PDE4D: variants seen among roughly 807,000 people sequenced by gnomAD.
PDE4D encodes 3',5'-cyclic-AMP phosphodiesterase 4D.
A neutral mutation model predicts 87.4 loss-of-function variants in PDE4D; 24 were observed. The observed-to-expected ratio is 0.27, with a 90% CI of 0.20 to 0.39. The LOEUF is 0.39. Ranked by LOEUF, PDE4D falls within the 10% of genes least tolerant of loss-of-function variation. The probability of loss-of-function intolerance (pLI) is 1.00; values close to 1 mark genes in which losing one functional copy is unlikely to be tolerated. For missense variants in PDE4D, 714 were observed against 1,041.0 expected, an observed-to-expected ratio of 0.69 and a Z score of 4.32; for synonymous variants, 384 against 383.2, an observed-to-expected ratio of 1.00 and a Z score of -0.02.
At chr5:59,988,644 C>T (rs200725508) in exon 3 of PDE4D, 370 of 1,599,138 alleles carry the variant, frequency 2.3e-4, no homozygotes, top group East Asian at 3.3e-4. Context: ...TGAAAGTCTC[C>T]GGACAAGATA....
chr5:59,098,715 A>AAAG (rs1770212020), intron 5 of PDE4D, among the ~76,000 whole-genome samples: 1 of 151,574 alleles, frequency 6.6e-6, no homozygotes. Context: ...AAAAAAAAAA[A>AAAG]AAGAGGAAAG....
chr5:59,296,155 G>A (rs1456567960), intron 1 of PDE4D, among the ~76,000 whole-genome samples: 2 of 152,000 alleles, frequency 1.3e-5, no homozygotes, highest in African/African-American at 2.4e-5. Context: ...CCATTGTTTG[G>A]GACATACTGA....
intron 1 of PDE4D, among the ~76,000 whole-genome samples, chr5:59,413,317 G>A (rs914885461): frequency 6.6e-6 from 1 of 151,982 alleles, no homozygotes; most frequent in African/African-American, 2.4e-5. Context: ...AATTAGCCGG[G>A]CGTAGTGGTG....
intron 1 of PDE4D, among the ~76,000 whole-genome samples, chr5:60,341,828 G>A (rs1364201880): frequency 1.3e-5 from 2 of 152,034 alleles, no homozygotes; most frequent in Non-Finnish European, 2.9e-5. Context: ...TAGGATGCTG[G>A]AGTTAGCTTG....
Position 59,100,426 on chromosome 5 carries a change from AAGGTAT to A in PDE4D, c.809-61461_809-61456del, listed in dbSNP as rs532286099. On this transcript the variant is annotated intron_variant, in intron 5 of 14. Coordinates refer to ENST00000340635, the MANE Select transcript of PDE4D (RefSeq NM_001104631.2). ...TTTATGGAGATTCCAAATGGTCTCC[AAGGTAT>A]ATGTCAATTATTATCCATGAAAGGT... 2.0e-3 allele frequency among the ~76,000 whole-genome samples: 312 copies of A among 152,310 alleles called. 3 individuals carry two copies. The highest frequency in any genetic ancestry group is 7.3e-3 in the African/African-American group (302 of 41,570).
intron 5 of PDE4D, among the ~76,000 whole-genome samples, chr5:59,141,050 A>G (rs1029761392): frequency 1.3e-4 from 20 of 152,264 alleles, no homozygotes; most frequent in Non-Finnish European, 2.5e-4. Context: ...ATGTGGCAGA[A>G]GAAAAGTTCA....
intron 5 of PDE4D, among the ~76,000 whole-genome samples, chr5:59,157,647 AAAT>A (rs1780451557): frequency 6.6e-6 from 1 of 152,234 alleles, no homozygotes; most frequent in African/African-American, 2.4e-5. Context: ...TTGGGTATCA[AAAT>A]AAAACCAACC....
chr5:59,724,938 C>T (rs1439492252), intron 1 of PDE4D, among the ~76,000 whole-genome samples: 1 of 152,042 alleles, frequency 6.6e-6, no homozygotes, highest in African/African-American at 2.4e-5. Context: ...TTGAACCTGG[C>T]TCTGCTTTTC....
At chr5:60,013,778 A>T (rs367900170) in intron 2 of PDE4D, among the ~76,000 whole-genome samples, 2 of 152,170 alleles carry the variant, frequency 1.3e-5, no homozygotes, top group East Asian at 1.9e-4. Flanking sequence ...TAGAAAAATT[A>T]TGCAAGCAAA....
chr5:59,400,323 G>C (rs1424813551), intron 1 of PDE4D, among the ~76,000 whole-genome samples: 1 of 117,738 alleles, frequency 8.5e-6, no homozygotes, highest in Non-Finnish European at 1.7e-5. Flanking sequence ...GCAAAGACTT[G>C]GAACCAACCC....
intron 2 of PDE4D, among the ~76,000 whole-genome samples, chr5:60,050,852 A>C (rs2152878825): frequency 6.6e-6 from 1 of 152,350 alleles, no homozygotes; most frequent in Middle Eastern, 3.4e-3. Flanking sequence ...TTTACCAAGC[A>C]AATGGAAAGC....
At chr5:59,748,701 A>T (rs1294099849) in intron 1 of PDE4D, among the ~76,000 whole-genome samples, 4 of 152,032 alleles carry the variant, frequency 2.6e-5, no homozygotes, top group Non-Finnish European at 5.9e-5. Context: ...ACCTAATGTA[A>T]ATGACGAGTT....
chr5:59,216,557 C>T (rs1455636717), intron 1 of PDE4D, among the ~76,000 whole-genome samples: 1 of 152,116 alleles, frequency 6.6e-6, no homozygotes, highest in Non-Finnish European at 1.5e-5. Context: ...GTTTAAAACC[C>T]TTCAGTAACT....
intron 5 of PDE4D, among the ~76,000 whole-genome samples, chr5:59,158,140 C>T (rs1294651277): frequency 6.6e-6 from 1 of 152,138 alleles, no homozygotes; most frequent in Admixed American, 6.6e-5. Flanking sequence ...ATTTGCTAGT[C>T]CTAATGATCT....
Position 59,328,681 on chromosome 5 carries a change from C to A in PDE4D, c.456-112713G>T, listed in dbSNP as rs190675157. ...TGTGTTTTTACATTTTCCTCAGGTA[C>A]TGAAATAATGACTAAAAACACCCTG... On this transcript the variant is annotated intron_variant, in intron 1 of 14. Coordinates refer to ENST00000340635, the MANE Select transcript of PDE4D (RefSeq NM_001104631.2). 2.1e-3 allele frequency among the ~76,000 whole-genome samples: 322 copies of A among 152,194 alleles called. 2 individuals carry two copies. Among genetic ancestry groups the A allele is most frequent in the African/African-American group, 7.2e-3 (300 of 41,526 alleles).
Position 58,972,133 on chromosome 5 carries a change from TGG to T in PDE4D, c.*2529_*2530del, listed in dbSNP as rs1742710988. ...CATTATTAAGATTCTAGGCACTCTG[TGG>T]GGGAAATACTAAGTGTAGGGAGGAG... is the stretch of plus-strand genomic sequence containing the variant. On this transcript the variant is annotated 3_prime_UTR_variant, in exon 15 of 15. Coordinates refer to ENST00000340635, the MANE Select transcript of PDE4D (RefSeq NM_001104631.2). The T allele has an allele frequency of 6.6e-6, 1 of 152,466 alleles. No individual in the cohort carries two copies. The highest frequency in any genetic ancestry group is 1.5e-5 in the Non-Finnish European group (1 of 67,998). The allele number at this position is 152,466 out of a possible 1,614,324, so 9.4% of individuals were successfully genotyped here. A position where few individuals can be genotyped will look rare whatever the true frequency, so the allele number is the denominator to read the frequency against.
At chr5:59,836,378 T>G (rs1742034963) in intron 1 of PDE4D, among the ~76,000 whole-genome samples, 1 of 152,056 alleles carries the variant, frequency 6.6e-6, no homozygotes, top group African/African-American at 2.4e-5. Context: ...GAATTTACAA[T>G]AATAAAATAG....
chr5:60,323,911 T>C (rs1405237974), intron 1 of PDE4D, among the ~76,000 whole-genome samples: 6 of 151,908 alleles, frequency 3.9e-5, no homozygotes, highest in Non-Finnish European at 5.9e-5. Flanking sequence ...ACTTCTGAGC[T>C]ATTCCCTCTG....
Position 59,588,038 on chromosome 5 carries a change from G to A in PDE4D, c.455+305130C>T, listed in dbSNP as rs114438313. ...GGTGGGGAAGCCTTGTTTACTTGATGATTTGTAACCATTTAGCTGCAGATG... is the reference window on the plus strand; with the variant it reads ...GGTGGGGAAGCCTTGTTTACTTGATAATTTGTAACCATTTAGCTGCAGATG... On this transcript the variant is annotated intron_variant, in intron 1 of 14. Transcript: ENST00000340635. Among the ~76,000 whole-genome samples the A allele has an allele frequency of 3.7e-3, 564 of 152,256 alleles. 5 individuals are homozygous for A. Among genetic ancestry groups the A allele is most frequent in the Middle Eastern group, 0.014 (4 of 294 alleles).
Sources: allele counts gnomAD v4.1 joint callset (sites outside exome capture counted in the v4.1 genomes callset), GRCh38; gene constraint gnomAD v4.1.1; transcripts MANE v1.5; gene names NCBI Gene and HGNC (gene_info 2026-07-23, HGNC 2026-07-21).